The following AP1G1 variants were observed in gnomAD, a reference collection of about 807,000 sequenced individuals.
The protein encoded by AP1G1 is AP-1 complex subunit gamma-1.
Under a neutral mutation model 108.3 loss-of-function variants are expected in AP1G1, and 7 were observed. That is an observed-to-expected ratio of 0.06 (90% CI 0.04 to 0.12). The LOEUF is 0.12. Among genes scored for constraint, AP1G1 ranks in the 10% least tolerant of loss-of-function variants. The probability of loss-of-function intolerance (pLI) is 1.00; values close to 1 mark genes in which losing one functional copy is unlikely to be tolerated. For synonymous variants in AP1G1, 379 were observed against 353.5 expected (o/e 1.07, Z -0.81); for missense variants, 756 against 1,010.7 (o/e 0.75, Z 3.42).
chr16:71,766,872 T>G (rs1029083706), intron 6 of AP1G1, among the ~76,000 whole-genome samples: 17 of 152,336 alleles, frequency 1.1e-4, no homozygotes, highest in Admixed American at 9.2e-4. Flanking sequence ...AAGTCTACTT[T>G]GGACAACTCC....
At chr16:71,766,348 ATCCTTCCTT>A (rs2031312188) in intron 6 of AP1G1, 1 of 397,094 alleles carries the variant, frequency 2.5e-6, no homozygotes, top group African/African-American at 2.1e-5. Flanking sequence ...TTTCCTTCCT[ATCCTTCCTT>A]TACTTTATCC....
intron 9 of AP1G1, among the ~76,000 whole-genome samples, chr16:71,763,043 G>A (rs918623260): frequency 6.6e-6 from 1 of 152,190 alleles, no homozygotes; most frequent in Non-Finnish European, 1.5e-5. Flanking sequence ...ACTGCTTGAT[G>A]TATAGGGAAA....
At chr16:71,766,068 CTT>C (rs2031300403) in intron 6 of AP1G1, among the ~76,000 whole-genome samples, 1 of 152,106 alleles carries the variant, frequency 6.6e-6, no homozygotes, top group African/African-American at 2.4e-5. Flanking sequence ...AAAAAAATCT[CTT>C]CTCTTAAGAT....
chr16:71,764,556 C>T, intron 8 of AP1G1, 90 bp downstream of exon 8: 1 of 1,276,724 alleles, frequency 7.8e-7, no homozygotes, highest in South Asian at 1.5e-5. Flanking sequence ...AATGAGGAAA[C>T]ACAAATAAAA....
At chr16:71,736,752 ATTTTTTT>A in intron 21 of AP1G1, among the ~76,000 whole-genome samples, 1 of 123,916 alleles carries the variant, frequency 8.1e-6, no homozygotes, top group East Asian at 2.3e-4. Context: ...CGCCCGGCTA[ATTTTTTT>A]TTTTTTTTTT....
chr16:71,773,488 C>G (rs2031651432), intron 3 of AP1G1, 126 bp from the exon 4 acceptor site: 5 of 981,572 alleles, frequency 5.1e-6, no homozygotes, highest in Admixed American at 3.6e-5. Flanking sequence ...TTATTTGTTG[C>G]AGAAAATGTT....
intron 13 of AP1G1, chr16:71,751,480 A>C (rs1165696385): frequency 6.6e-6 from 1 of 151,884 alleles, no homozygotes; most frequent in Admixed American, 6.6e-5. Context: ...AGAAAAAAAA[A>C]AAAAAACAGC....
At chr16:71,801,333 T>TA (rs11307473) in intron 1 of AP1G1, among the ~76,000 whole-genome samples, 5,699 of 145,380 alleles carry the variant, frequency 0.039, 324 homozygotes, top group African/African-American at 0.13. Flanking sequence ...CATGACATGT[T>TA]AAAAAAAAAA....
chr16:71,807,604 G>C (rs148735868), intron 1 of AP1G1, among the ~76,000 whole-genome samples: 2 of 152,140 alleles, frequency 1.3e-5, no homozygotes, highest in African/African-American at 4.8e-5. Context: ...TCTAGGGAAC[G>C]GTGGAAGTGA....
intron 21 of AP1G1, 61 bp downstream of exon 21, chr16:71,738,881 G>T (rs9929582): frequency 9.2e-7 from 1 of 1,081,104 alleles, no homozygotes; most frequent in South Asian, 1.7e-5. Flanking sequence ...CCAAACACAT[G>T]AAAAAAAAAA....
At chr16:71,798,320 T>TA (rs2032658617) in intron 1 of AP1G1, among the ~76,000 whole-genome samples, 1 of 152,134 alleles carries the variant, frequency 6.6e-6, no homozygotes, top group Non-Finnish European at 1.5e-5. Flanking sequence ...TGCCTTACCC[T>TA]ACCGAGTAGC....
At chr16:71,803,838 T>C (rs560589798) in intron 1 of AP1G1, among the ~76,000 whole-genome samples, 6 of 150,312 alleles carry the variant, frequency 4.0e-5, no homozygotes, top group South Asian at 4.3e-4. Flanking sequence ...GGCAGAAGAA[T>C]TGCTTGAACC....
chr16:71,808,238 G>A (rs1272744605), intron 1 of AP1G1: 2 of 1,081,736 alleles, frequency 1.8e-6, no homozygotes, highest in East Asian at 7.3e-5. Context: ...AATTGGGAAA[G>A]AAGTTGGTCG....
chr16:71,744,571 G>GTTGT, intron 19 of AP1G1, among the ~76,000 whole-genome samples: 1 of 114,392 alleles, frequency 8.7e-6, no homozygotes, highest in Non-Finnish European at 1.7e-5. Flanking sequence ...GAGAAAGTGT[G>GTTGT]TTTTTTTTTT....
Position 71,769,469 on chromosome 16 carries a change from T to C in AP1G1, c.642+154A>G, listed in dbSNP as rs1597063923. 7.2e-6 allele frequency: 5 copies of C among 696,746 alleles called. No homozygotes were observed. The East Asian group carries it at 1.4e-4, about 20-fold the overall frequency. The allele number at this position is 696,746 out of a possible 1,614,324, so 43.2% of individuals were successfully genotyped here. On this transcript the variant is annotated intron_variant, in intron 6 of 22. Coordinates refer to ENST00000299980, the MANE Select transcript of AP1G1 (RefSeq NM_001128.6). ...GCCAGTTCTCACTTATATGCCTAAA[T>C]CTGGCTTCCAGGCCAATTGCATAGC...
intron 1 of AP1G1, among the ~76,000 whole-genome samples, chr16:71,806,303 G>C (rs902162108): frequency 9.9e-5 from 15 of 152,172 alleles, no homozygotes; most frequent in African/African-American, 3.1e-4. Flanking sequence ...AATATGCACT[G>C]ATCAATGGTG....
intron 10 of AP1G1, among the ~76,000 whole-genome samples, chr16:71,760,162 G>A (rs1421697263): frequency 1.3e-5 from 2 of 151,560 alleles, no homozygotes; most frequent in Non-Finnish European, 2.9e-5. Flanking sequence ...GAGCCACCAC[G>A]CCCGGCAATC....
intron 9 of AP1G1, among the ~76,000 whole-genome samples, chr16:71,763,741 T>C (rs1159310863): frequency 6.6e-6 from 1 of 152,216 alleles, no homozygotes; most frequent in Non-Finnish European, 1.5e-5. Context: ...TGTACACAAA[T>C]ATTATACTCT....
Position 71,758,870 on chromosome 16 carries a change from T to TGCA in AP1G1, c.1023_1025dup (p.Ala342dup). 1.2e-6 allele frequency: 2 copies of TGCA among 1,611,612 alleles called. No individual in the cohort carries two copies. Among genetic ancestry groups the TGCA allele is most frequent in the Non-Finnish European group, 1.7e-6 (2 of 1,179,326 alleles). ...CAATTGTGCTTCTGTGCCTCTGTAC[T>TGCA]GCATTATGATCTGTCTGTACAGTCT... On this transcript the variant is annotated inframe_insertion, in exon 11 of 23. Transcript: ENST00000299980.
Sources: allele counts gnomAD v4.1 joint callset (sites outside exome capture counted in the v4.1 genomes callset), GRCh38; gene constraint gnomAD v4.1.1; transcripts MANE v1.5; gene names NCBI Gene and HGNC (gene_info 2026-07-23, HGNC 2026-07-21).